FARS2: variants seen among roughly 807,000 people sequenced by gnomAD.
FARS2 encodes phenylalanyl-tRNA synthetase 2, mitochondrial, also known as phenylalanine--tRNA ligase, mitochondrial.
FARS2 carries 40 observed loss-of-function variants against 46.4 expected under a neutral mutation model. The ratio of observed to expected loss-of-function variants is 0.86; its 90% CI spans 0.67 to 1.12. The LOEUF (loss-of-function observed/expected upper bound fraction) is 1.12. FARS2 is among the 50% of genes most tolerant of loss of function. FARS2 has a pLI of 0.00. For synonymous variants in FARS2, 234 were observed against 214.9 expected, an observed-to-expected ratio of 1.09 and a Z score of -0.78; for missense variants, 513 against 567.9, an observed-to-expected ratio of 0.90 and a Z score of 0.98.
At chr6:5,614,260 A>G (rs1049470460) in intron 6 of FARS2, among the ~76,000 whole-genome samples, 3 of 152,112 alleles carry the variant, frequency 2.0e-5, no homozygotes, top group Admixed American at 6.5e-5. Context: ...TAGCTGTTAG[A>G]GAAGAAACAG....
intron 1 of FARS2, among the ~76,000 whole-genome samples, chr6:5,344,082 G>A (rs979538047): frequency 2.0e-5 from 3 of 152,140 alleles, no homozygotes; most frequent in Non-Finnish European, 4.4e-5. Flanking sequence ...TTGGTTCACC[G>A]AACGACACAG....
chr6:5,720,196 G>A (rs1315480778), intron 6 of FARS2, among the ~76,000 whole-genome samples: 1 of 152,076 alleles, frequency 6.6e-6, no homozygotes, highest in African/African-American at 2.4e-5. Context: ...TTATCTTGAT[G>A]TAGGCACTTA....
chr6:5,719,624 C>T (rs573809449), intron 6 of FARS2, among the ~76,000 whole-genome samples: 1 of 152,208 alleles, frequency 6.6e-6, no homozygotes, highest in African/African-American at 2.4e-5. Flanking sequence ...TCTGGGGCCT[C>T]ACACAAAGAT....
Position 5,676,289 on chromosome 6 carries a change from C to G in FARS2, c.1217+62969C>G, listed in dbSNP as rs540014728. 2.7e-4 allele frequency among the ~76,000 whole-genome samples: 41 copies of G among 152,256 alleles called. 1 individual carries two copies. The highest frequency in any genetic ancestry group is 6.8e-3 in the Middle Eastern group (2 of 294). The stretch of plus-strand genomic sequence containing the variant: ...TATAGATGATTTCATTTATTTGATT[C>G]TTCTCTTTCCTCCTACATTCTCAGA... On this transcript the variant is annotated intron_variant, in intron 6 of 6. Transcript: ENST00000274680.
intron 4 of FARS2, among the ~76,000 whole-genome samples, chr6:5,486,368 G>A (rs1474324702): frequency 6.6e-6 from 1 of 152,182 alleles, no homozygotes; most frequent in African/African-American, 2.4e-5. Flanking sequence ...CTGTTTCCAC[G>A]CAGAACAGGT....
chr6:5,734,041 G>A (rs1760799279), intron 6 of FARS2, among the ~76,000 whole-genome samples: 1 of 152,226 alleles, frequency 6.6e-6, no homozygotes, highest in East Asian at 1.9e-4. Flanking sequence ...AGGGATCCAA[G>A]AGTGCTAAAC....
intron 1 of FARS2, among the ~76,000 whole-genome samples, chr6:5,278,832 T>C (rs1338878600): frequency 6.6e-6 from 1 of 152,110 alleles, no homozygotes; most frequent in African/African-American, 2.4e-5. Flanking sequence ...CTGAAAGAAA[T>C]GCAGAGAGAA....
At chr6:5,632,604 T>G (rs1261167906) in intron 6 of FARS2, among the ~76,000 whole-genome samples, 1 of 145,878 alleles carries the variant, frequency 6.9e-6, no homozygotes, top group African/African-American at 2.5e-5. Context: ...TCCCGCTTCT[T>G]CCTTCCTTCC....
At chr6:5,396,460 A>C (rs1366269548) in intron 2 of FARS2, among the ~76,000 whole-genome samples, 1 of 152,214 alleles carries the variant, frequency 6.6e-6, no homozygotes, top group Non-Finnish European at 1.5e-5. Context: ...TTGATTAAGA[A>C]CAAGGTATAA....
chr6:5,720,712 T>C (rs538184149), intron 6 of FARS2, among the ~76,000 whole-genome samples: 16 of 152,334 alleles, frequency 1.1e-4, no homozygotes, highest in African/African-American at 3.8e-4. Flanking sequence ...TTATATCTAC[T>C]GATATTGATC....
the FARS2 span, among the ~76,000 whole-genome samples, chr6:5,253,214 T>C: frequency 1.3e-5 from 2 of 152,224 alleles, no homozygotes; most frequent in Admixed American, 1.3e-4. Flanking sequence ...GGCATCACTT[T>C]AGCCTTTTCT....
chr6:5,475,147 C>T (rs1766047228), intron 4 of FARS2, among the ~76,000 whole-genome samples: 4 of 152,118 alleles, frequency 2.6e-5, no homozygotes, highest in African/African-American at 7.2e-5. Context: ...ATGACTTCTC[C>T]GTGGGTACTG....
intron 6 of FARS2, among the ~76,000 whole-genome samples, chr6:5,666,788 A>G (rs565021716): frequency 4.6e-5 from 7 of 152,210 alleles, no homozygotes; most frequent in Non-Finnish European, 1.0e-4. Context: ...ATTCGTTGCT[A>G]TTCAAAATAG....
At chr6:5,466,507 G>A in intron 4 of FARS2, 2 of 982,878 alleles carry the variant, frequency 2.0e-6, no homozygotes, top group Non-Finnish European at 1.2e-6. Context: ...AAGAAGATAA[G>A]GAAATATGTT....
intron 3 of FARS2, among the ~76,000 whole-genome samples, chr6:5,405,480 C>CTTTTTTTTTTTGTTTTTTTTTTTTTTTTT (rs1761521976): frequency 1.7e-5 from 1 of 58,946 alleles, no homozygotes; most frequent in African/African-American, 6.5e-5. Flanking sequence ...GAGCAAGGTT[C>CTTTTTTTTTTTGTTTTTTTTTTTTTTTTT]TTTTTTTTTT....
chr6:5,581,927 A>G (rs7750830), intron 5 of FARS2, among the ~76,000 whole-genome samples: 2 of 148,820 alleles, frequency 1.3e-5, no homozygotes, highest in African/African-American at 2.5e-5. Context: ...ATAAATGGTC[A>G]CAGTAACATA....
chr6:5,257,594 G>C (rs1764739161), upstream of FARS2, among the ~76,000 whole-genome samples: 1 of 152,194 alleles, frequency 6.6e-6, no homozygotes, highest in Non-Finnish European at 1.5e-5. Context: ...TTGAGCGGTG[G>C]GTGAGTGCGC....
chr6:5,748,114 C>T (rs1026795193), intron 6 of FARS2, among the ~76,000 whole-genome samples: 1 of 152,138 alleles, frequency 6.6e-6, no homozygotes, highest in Non-Finnish European at 1.5e-5. Context: ...CTTCCCTCAC[C>T]CCTCCTACCC....
At chr6:5,692,466 A>C (rs1049985585) in intron 6 of FARS2, among the ~76,000 whole-genome samples, 2 of 152,146 alleles carry the variant, frequency 1.3e-5, no homozygotes, top group Admixed American at 1.3e-4. Flanking sequence ...TTTCCCGTCC[A>C]TCAAAACATT....
Sources: gnomAD v4.1 joint callset for allele counts (sites outside exome capture counted in the v4.1 genomes callset) on GRCh38, gnomAD v4.1.1 for gene constraint, MANE v1.5 for transcripts, NCBI Gene and HGNC (gene_info 2026-07-23, HGNC 2026-07-21) for gene names.